RBBP6: variants seen among roughly 807,000 people sequenced by gnomAD.
RBBP6 encodes the protein E3 ubiquitin-protein ligase RBBP6.
RBBP6 carries 25 observed loss-of-function variants against 167.7 expected under a neutral mutation model. That is an observed-to-expected ratio of 0.15 (90% CI 0.11 to 0.21). The LOEUF is 0.21. RBBP6 is among the 10% of genes least tolerant of loss of function. The pLI is 1.00. For synonymous variants in RBBP6, 789 were observed against 735.8 expected (o/e 1.07, Z -1.17); for missense variants, 1,868 against 2,134.2 (o/e 0.88, Z 2.46).
chr16:24,561,923 C>A lies in RBBP6; in HGVS notation c.1051C>A (p.Gln351Lys). Residue 351 changes from glutamine to lysine, a missense_variant, in exon 10 of 18, where the codon CAG becomes AAG. This residue lies in a region of RBBP6 where 245 missense variants were observed against 240.1 expected (regional missense o/e 1.02). Coordinates refer to ENST00000319715, the MANE Select transcript of RBBP6 (RefSeq NM_006910.5). The stretch of plus-strand genomic sequence containing the variant: ...AATACCACCTCCGAGACCACTGATT[C>A]AGAGGAACCTACAACCTCTGATGAG... ...PPIPPPRPLIQRNLQPLMRSP... is the reference protein window; with the variant it reads ...PPIPPPRPLIKRNLQPLMRSP... 1.2e-6 allele frequency: 2 copies of A among 1,613,840 alleles called. No individual in the cohort carries two copies. Among genetic ancestry groups the A allele is most frequent in the Non-Finnish European group, 1.7e-6 (2 of 1,179,780 alleles).
rs753979558 is a variant in RBBP6 at position 24,571,988 on chromosome 16, A to G, written c.4922A>G (p.Tyr1641Cys). ...GATGAAGCTGCTTTTGAACCAGACT[A>G]TAATGAAAGTGACAGTGAAAGTAAT... ...ETDEAAFEPD[Y>C]NESDSESNVS... Residue 1641 changes from tyrosine to cysteine, a missense_variant, in exon 18 of 18, where the codon TAT (tyrosine) becomes TGT (cysteine). Physicochemically the swap from Tyr to Cys is radical, Grantham distance 194. Transcript: ENST00000319715. 3 of 1,613,848 alleles carry G rather than the reference A, an allele frequency of 1.9e-6. No individual in the cohort carries two copies. Among genetic ancestry groups the G allele is most frequent in the African/African-American group, 1.3e-5 (1 of 74,884 alleles).
chr16:24,547,441 G>GTA lies in RBBP6; in HGVS notation c.266+1191_266+1192dup, dbSNP rs896572549. Among the ~76,000 whole-genome samples the GTA allele has an allele frequency of 1.3e-3, 192 of 151,592 alleles. 1 individual carries two copies. The highest frequency in any genetic ancestry group is 6.1e-3 in the Admixed American group (93 of 15,208). ...TTCTAAGAATTATATATATATGTGT[G>GTA]TATATATATATATTGTTTTGTTTTG... On this transcript the variant is annotated intron_variant, in intron 2 of 17. Transcript: ENST00000319715.
intron 1 of RBBP6, among the ~76,000 whole-genome samples, chr16:24,542,625 A>AT (rs992599163): frequency 2.2e-4 from 33 of 150,926 alleles, no homozygotes; most frequent in Admixed American, 7.3e-4. Context: ...CACCCAGCTA[A>AT]TTTTTTTTTG....
At chr16:24,550,073 T>C (rs1898759116) in intron 3 of RBBP6, among the ~76,000 whole-genome samples, 3 of 151,974 alleles carry the variant, frequency 2.0e-5, no homozygotes, top group South Asian at 2.1e-4. Context: ...AGGCTTGATA[T>C]TGTACACAAT....
rs778676749 is a variant in RBBP6 at position 24,571,418 on chromosome 16, G to C, written c.4352G>C (p.Arg1451Thr). 2 of 1,613,704 alleles carry C rather than the reference G, an allele frequency of 1.2e-6. No individual in the cohort carries two copies. The highest frequency in any genetic ancestry group is 1.7e-6 in the Non-Finnish European group (2 of 1,179,970). ...CTGTCTCAATCTTCCAAAGAGGCTA[G>C]AACGTCAGATAAACATGATTCCACT... is the stretch of plus-strand genomic sequence containing the variant. Reference protein sequence around the residue: ...KSLSQSSKEARTSDKHDSTRA... With the variant: ...KSLSQSSKEATTSDKHDSTRA... The change falls in exon 18 of 18, where the codon AGA (arginine) becomes ACA (threonine). Residue 1451 changes from arginine (R) to threonine (T), a missense_variant. By Grantham distance (71) the Arg-to-Thr change is moderately conservative. Transcript: ENST00000319715.
At position 24,567,186 on chromosome 16, in the gene RBBP6, A is replaced by T; in HGVS notation, c.1633A>T (p.Thr545Ser). Residue 545 changes from threonine to serine, a missense_variant, in exon 15 of 18, where the codon ACT (threonine) becomes TCT (serine). Thr to Ser is a moderately conservative substitution (Grantham distance 58). Coordinates refer to ENST00000319715, the MANE Select transcript of RBBP6 (RefSeq NM_006910.5). ...ACACCACAGCGAAAGATCACAGAGG[A>T]CTCAAGGCCCGTCACTACCAGCAAC... ...GRHHSERSQR[T>S]QGPSLPATPV... 1 of 1,613,776 alleles carries T rather than the reference A, an allele frequency of 6.2e-7. No homozygotes were observed. The highest frequency in any genetic ancestry group is 8.5e-7 in the Non-Finnish European group (1 of 1,179,736).
At chr16:24,565,350 G>A (rs1004390297) in intron 14 of RBBP6, among the ~76,000 whole-genome samples, 1 of 152,188 alleles carries the variant, frequency 6.6e-6, no homozygotes, top group African/African-American at 2.4e-5. Context: ...CCTAGTGGGC[G>A]GGTACAAGCA....
At chr16:24,548,323 T>TTG (rs932126610) in intron 2 of RBBP6, among the ~76,000 whole-genome samples, 2 of 151,580 alleles carry the variant, frequency 1.3e-5, no homozygotes, top group African/African-American at 4.9e-5. Context: ...TTCAGTTTTT[T>TTG]TTTTTTTTCT....
At position 24,570,073 on chromosome 16, in the gene RBBP6, A is replaced by G. The variant is rs750828481; in HGVS notation, c.3383A>G (p.Glu1128Gly). Residue 1128 changes from glutamate (E) to glycine (G), a missense_variant, in exon 17 of 18, where the codon GAA (glutamate) becomes GGA (glycine). Around this residue, in one of 7 missense-constraint regions of RBBP6, gnomAD observed 673 missense variants for 691.5 expected, o/e 0.97. Coordinates refer to ENST00000319715, the MANE Select transcript of RBBP6 (RefSeq NM_006910.5). Reference sequence around the variant, plus strand: ...TCAGAAAAGCTAACAACTAAGGAAGAAAAGGCCAAGAAGCCTAATGAGAAA... The same window carrying G: ...TCAGAAAAGCTAACAACTAAGGAAGGAAAGGCCAAGAAGCCTAATGAGAAA... ...VKSEKLTTKE[E>G]KAKKPNEKNK... 1.2e-6 allele frequency: 2 copies of G among 1,608,164 alleles called. No individual in the cohort carries two copies. Among genetic ancestry groups the G allele is most frequent in the South Asian group, 1.1e-5 (1 of 89,308 alleles).
chr16:24,562,753 C>T (rs1016865171), intron 10 of RBBP6, among the ~76,000 whole-genome samples: 9 of 151,060 alleles, frequency 6.0e-5, no homozygotes, highest in Non-Finnish European at 2.9e-5. Context: ...TAGGATGAGA[C>T]CTTTACATTT....
intron 15 of RBBP6, 110 bp from the exon 16 acceptor site, chr16:24,567,682 G>T: frequency 7.9e-7 from 1 of 1,260,578 alleles, no homozygotes; most frequent in Non-Finnish European, 1.1e-6. Context: ...TTTTAAAGTG[G>T]AAAACTAATG....
rs757966944 is a variant in RBBP6 at position 24,571,422 on chromosome 16, G to T, written c.4356G>T (p.Thr1452=). 4.3e-6 allele frequency: 7 copies of T among 1,613,290 alleles called. No individual in the cohort carries two copies. The highest frequency in any genetic ancestry group is 5.9e-6 in the Non-Finnish European group (7 of 1,179,892). Residue 1452 remains threonine, a synonymous_variant, in exon 18 of 18, where the codon ACG becomes ACT. Transcript: ENST00000319715. The part of the protein sequence containing the change: ...SLSQSSKEAR[T]SDKHDSTRAS... ...CTCAATCTTCCAAAGAGGCTAGAAC[G>T]TCAGATAAACATGATTCCACTCGTG...
chr16:24,558,088 T>A (rs942389973), intron 7 of RBBP6, among the ~76,000 whole-genome samples: 6 of 152,194 alleles, frequency 3.9e-5, no homozygotes, highest in African/African-American at 1.4e-4. Flanking sequence ...AAATTGATTA[T>A]TTTTACAGAC....
chr16:24,548,467 T>TATCA (rs1184315707), intron 2 of RBBP6, among the ~76,000 whole-genome samples: 3 of 152,162 alleles, frequency 2.0e-5, no homozygotes, highest in Admixed American at 2.0e-4. Flanking sequence ...TGAAAATAGC[T>TATCA]ATCAGCCTGG....
intron 3 of RBBP6, chr16:24,553,294 G>T: frequency 2.3e-6 from 1 of 444,168 alleles, no homozygotes. Flanking sequence ...TTTTAATTGA[G>T]TCCCCTCTTC....
At chr16:24,552,674 T>A (rs1473478560) in intron 3 of RBBP6, among the ~76,000 whole-genome samples, 2 of 151,844 alleles carry the variant, frequency 1.3e-5, no homozygotes, top group Admixed American at 6.6e-5. Context: ...CTCTCCTGAC[T>A]CCATACATCT....
At chr16:24,555,359 G>T in intron 4 of RBBP6, 15 of 311,984 alleles carry the variant, frequency 4.8e-5, no homozygotes. Flanking sequence ...TAGTATGCAA[G>T]TCTTAATGTA....
chr16:24,544,671 G>A (rs1898591070), intron 1 of RBBP6, among the ~76,000 whole-genome samples: 1 of 152,060 alleles, frequency 6.6e-6, no homozygotes, highest in Non-Finnish European at 1.5e-5. Flanking sequence ...TTTCTTTTTG[G>A]TAATTTTACA....
At chr16:24,560,141 T>A (rs1468562483) in intron 8 of RBBP6, among the ~76,000 whole-genome samples, 1 of 143,644 alleles carries the variant, frequency 7.0e-6, no homozygotes, top group Non-Finnish European at 1.5e-5. Context: ...AGACAGAGTC[T>A]CACTGTCTCC....
Sources: gnomAD v4.1 joint callset for allele counts (sites outside exome capture counted in the v4.1 genomes callset) on GRCh38, gnomAD v4.1.1 for gene constraint, gnomAD v4.1.1 regional missense constraint, MANE v1.5 for transcripts, NCBI Gene and HGNC (gene_info 2026-07-23, HGNC 2026-07-21) for gene names.